Variants in OR9Q1 observed in about 807,000 individuals in gnomAD.
The protein encoded by OR9Q1 is olfactory receptor 9Q1.
For missense variants in OR9Q1, 374 were observed against 378.8 expected (o/e 0.99, Z 0.11); for synonymous variants, 153 against 148.6 (o/e 1.03, Z -0.22).
chr11:58,158,268 C>G (rs886819237), intron 2 of OR9Q1, among the ~76,000 whole-genome samples: 1 of 152,268 alleles, frequency 6.6e-6, no homozygotes, highest in East Asian at 1.9e-4. Flanking sequence ...AAGTTCTCAC[C>G]ACCAGACTGA....
intron 2 of OR9Q1, among the ~76,000 whole-genome samples, chr11:58,061,943 T>C (rs1226544953): frequency 6.6e-6 from 1 of 152,210 alleles, no homozygotes; most frequent in Non-Finnish European, 1.5e-5. Context: ...GAGCAAAACC[T>C]ACTTGCCAAT....
chr11:58,141,071 T>A (rs1199627748), intron 2 of OR9Q1, among the ~76,000 whole-genome samples: 3 of 152,234 alleles, frequency 2.0e-5, no homozygotes, highest in African/African-American at 7.2e-5. Context: ...AGTTCACTCA[T>A]GATTTGGCTC....
intron 1 of OR9Q1, among the ~76,000 whole-genome samples, chr11:58,025,102 A>T (rs897670331): frequency 6.6e-6 from 1 of 152,230 alleles, no homozygotes; most frequent in Admixed American, 6.5e-5. Flanking sequence ...TCATAGGATC[A>T]TAGTACAATA....
chr11:58,050,636 G>T (rs1200169956), intron 1 of OR9Q1, among the ~76,000 whole-genome samples: 1 of 123,440 alleles, frequency 8.1e-6, no homozygotes, highest in Non-Finnish European at 1.7e-5. Flanking sequence ...CACAGCAAAA[G>T]AAACTACCGT....
At chr11:58,169,432 T>C (rs933026505) in intron 2 of OR9Q1, among the ~76,000 whole-genome samples, 16 of 152,158 alleles carry the variant, frequency 1.1e-4, no homozygotes, top group Admixed American at 9.2e-4. Flanking sequence ...ATCTATCTTT[T>C]GTGCCTCTTA....
chr11:58,115,622 C>T (rs534157454), intron 2 of OR9Q1, among the ~76,000 whole-genome samples: 2 of 152,252 alleles, frequency 1.3e-5, no homozygotes, highest in East Asian at 3.9e-4. Flanking sequence ...CCTTGAATCC[C>T]ACTATGTTGT....
chr11:58,050,321 A>G (rs1025247073), intron 1 of OR9Q1, among the ~76,000 whole-genome samples: 4 of 144,682 alleles, frequency 2.8e-5, no homozygotes, highest in African/African-American at 1.0e-4. Context: ...GATCTTTGAC[A>G]AACCTGAGAA....
At chr11:58,040,512 G>T (rs183503807) in intron 1 of OR9Q1, among the ~76,000 whole-genome samples, 1 of 152,168 alleles carries the variant, frequency 6.6e-6, no homozygotes, top group Non-Finnish European at 1.5e-5. Context: ...TACCAATCAC[G>T]TATTCTGTCT....
At chr11:58,118,840 A>C in intron 2 of OR9Q1, 1 of 1,614,064 alleles carries the variant, frequency 6.2e-7, no homozygotes, top group African/African-American at 1.3e-5. Flanking sequence ...AAAATTGCCA[A>C]AGAAGATGAT....
chr11:58,162,342 G>T (rs1256416152), intron 2 of OR9Q1, among the ~76,000 whole-genome samples: 1 of 152,144 alleles, frequency 6.6e-6, no homozygotes, highest in African/African-American at 2.4e-5. Context: ...TCTAATAATG[G>T]GTTTTCACAG....
chr11:58,157,133 C>T (rs1187964843), intron 2 of OR9Q1, among the ~76,000 whole-genome samples: 1 of 152,132 alleles, frequency 6.6e-6, no homozygotes, highest in Admixed American at 6.5e-5. Flanking sequence ...CTTAGCCCTG[C>T]CCTGGCTTAA....
intron 2 of OR9Q1, chr11:58,118,741 G>A: frequency 6.2e-7 from 1 of 1,614,070 alleles, no homozygotes; most frequent in Non-Finnish European, 8.5e-7. Context: ...GAAAGTCTTG[G>A]CCCTGCCACC....
chr11:58,104,878 G>T (rs994931405), intron 2 of OR9Q1, among the ~76,000 whole-genome samples: 5 of 152,178 alleles, frequency 3.3e-5, no homozygotes, highest in African/African-American at 9.7e-5. Flanking sequence ...AGATCCCCCT[G>T]TCAATTTGCC....
At chr11:58,068,808 G>C (rs1853458956) in intron 2 of OR9Q1, among the ~76,000 whole-genome samples, 1 of 152,150 alleles carries the variant, frequency 6.6e-6, no homozygotes, top group African/African-American at 2.4e-5. Context: ...GAGCAGTTTG[G>C]TGGGGGGCAA....
At chr11:58,125,106 A>G (rs1352815801) in intron 2 of OR9Q1, among the ~76,000 whole-genome samples, 1 of 152,168 alleles carries the variant, frequency 6.6e-6, no homozygotes, top group Non-Finnish European at 1.5e-5. Flanking sequence ...AGTCATTTAC[A>G]GGAAAATATC....
At position 58,033,848 on chromosome 11, in the gene OR9Q1, G is replaced by C. The variant is rs1300555791; in HGVS notation, c.-93+9744G>C. Among the ~76,000 whole-genome samples, 3 of 152,228 alleles carry C rather than the reference G, an allele frequency of 2.0e-5. No homozygotes were observed. The East Asian group carries it at 5.8e-4, about 29-fold the overall frequency. ...GTCAGGAGTTATGGACTATATATTA[G>C]ATAAAGTAAAATGCTAAGTCTCTAT... On this transcript the variant is annotated intron_variant, in intron 1 of 2. Coordinates refer to ENST00000335397, the MANE Select transcript of OR9Q1 (RefSeq NM_001005212.4).
rs182488884 is a variant in OR9Q1 at position 58,095,193 on chromosome 11, G to A, written c.-15+39246G>A. On this transcript the variant is annotated intron_variant, in intron 2 of 2. Coordinates refer to ENST00000335397, the MANE Select transcript of OR9Q1 (RefSeq NM_001005212.4). ...CAGGGCTTTTTAGTTCTTGTTTTCT[G>A]CACATTTTTCATTTATACCTAAAAG... 3.3e-5 allele frequency among the ~76,000 whole-genome samples: 5 copies of A among 152,260 alleles called. 1 individual carries two copies. The East Asian group carries it at 9.6e-4, about 29-fold the overall frequency.
chr11:58,050,376 G>A (rs1853262428), intron 1 of OR9Q1, among the ~76,000 whole-genome samples: 1 of 142,168 alleles, frequency 7.0e-6, no homozygotes, highest in African/African-American at 2.6e-5. Flanking sequence ...AAATGGTGCT[G>A]GGAAAACTGG....
chr11:58,042,466 C>A (rs4503567), intron 1 of OR9Q1, among the ~76,000 whole-genome samples: 5 of 151,012 alleles, frequency 3.3e-5, no homozygotes, highest in African/African-American at 1.2e-4. Context: ...AGATATGCGG[C>A]GTTATTTCTG....
Sources: gnomAD v4.1 joint callset for allele counts (sites outside exome capture counted in the v4.1 genomes callset) on GRCh38, gnomAD v4.1.1 for gene constraint, MANE v1.5 for transcripts, NCBI Gene and HGNC (gene_info 2026-07-23, HGNC 2026-07-21) for gene names.